The following MPRIP variants were observed in gnomAD, a reference collection of about 807,000 sequenced individuals.
MPRIP encodes myosin phosphatase Rho interacting protein.
A neutral mutation model predicts 234.9 loss-of-function variants in MPRIP; 59 were observed. The observed-to-expected ratio is 0.25, with a 90% CI of 0.20 to 0.31. The LOEUF is 0.31. Among genes scored for constraint, MPRIP ranks in the 10% least tolerant of loss-of-function variants. MPRIP has a pLI of 1.00. For missense variants in MPRIP, 2,436 were observed against 3,071.0 expected, an observed-to-expected ratio of 0.79 and a Z score of 4.89; for synonymous variants, 1,144 against 1,263.9, an observed-to-expected ratio of 0.91 and a Z score of 2.01.
At chr17:17,113,490 G>A (rs2144302623) in intron 3 of MPRIP, among the ~76,000 whole-genome samples, 1 of 152,246 alleles carries the variant, frequency 6.6e-6, no homozygotes, top group African/African-American at 2.4e-5. Flanking sequence ...CCTTTTTATG[G>A]CTGAATTATA....
In MPRIP at chr17:17,185,787, T is replaced by C. The variant is rs968154872; in HGVS notation, c.*893T>C. 1.5e-5 allele frequency: 5 copies of C among 343,820 alleles called. No homozygotes were observed. Among genetic ancestry groups the C allele is most frequent in the African/African-American group, 1.1e-4 (5 of 46,218 alleles). The allele number at this position is 343,820 out of a possible 1,614,324, so 21.3% of individuals were successfully genotyped here. A position where few individuals can be genotyped will look rare whatever the true frequency, so the allele number is the denominator to read the frequency against. Reference sequence around the variant, plus strand: ...ACCTTTTGGAAAAGAAACCGTCACATTGCTTTGGAAAAGGTTGAGAGGAGA... The same window carrying C: ...ACCTTTTGGAAAAGAAACCGTCACACTGCTTTGGAAAAGGTTGAGAGGAGA... On this transcript the variant is annotated 3_prime_UTR_variant, in exon 24 of 24. Coordinates refer to ENST00000651222, the MANE Select transcript of MPRIP (RefSeq NM_001364716.4).
In MPRIP at chr17:17,078,188, CTGTT is replaced by C. The variant is rs1483437803; in HGVS notation, c.267+115_267+118del. The stretch of plus-strand genomic sequence containing the variant: ...AGCAGCCATGTGCTCCTGCTTGTGT[CTGTT>C]TGGGAGTGTGGAATGTTTTGAAGAA... On this transcript the variant is annotated intron_variant, in intron 3 of 23. Transcript: ENST00000651222. This position sits in a 1 kb window ranked among gnomAD's most constrained non-coding sequence, Gnocchi z 4.3. 18 of 1,148,772 alleles carry C rather than the reference CTGTT, an allele frequency of 1.6e-5. No individual in the cohort carries two copies. The highest frequency in any genetic ancestry group is 1.9e-5 in the Non-Finnish European group (15 of 774,766). 71.2% of individuals were successfully genotyped at this position (1,148,772 alleles called of 1,614,324 possible).
At chr17:17,082,389 A>C (rs954836233) in intron 3 of MPRIP, among the ~76,000 whole-genome samples, 1 of 127,430 alleles carries the variant, frequency 7.8e-6, no homozygotes, top group African/African-American at 3.0e-5. Flanking sequence ...TCCGACTCCC[A>C]GGTTCAAACC....
rs372323746 is a variant in MPRIP at position 17,121,625 on chromosome 17, C to T, written c.268-5077C>T. ...ATCGGCAGCAGGGGAAGGGGGAACACTGCACTACTGAGACTTGGAGGGAGC... is the reference window on the plus strand; with the variant it reads ...ATCGGCAGCAGGGGAAGGGGGAACATTGCACTACTGAGACTTGGAGGGAGC... On this transcript the variant is annotated intron_variant, in intron 3 of 23. Transcript: ENST00000651222. Among the ~76,000 whole-genome samples the T allele has an allele frequency of 2.0e-5, 3 of 152,364 alleles. No individual in the cohort carries two copies. The East Asian group carries it at 5.8e-4, about 29-fold the overall frequency.
chr17:17,087,173 G>T (rs907579257), intron 3 of MPRIP, among the ~76,000 whole-genome samples: 57 of 152,148 alleles, frequency 3.7e-4, no homozygotes, highest in African/African-American at 1.3e-3. Context: ...GACAGTTGGG[G>T]GTTCCCACTG....
rs756288112 is a variant in MPRIP at position 17,137,974 on chromosome 17, C to T, written c.795C>T (p.Ser265=). The change falls in exon 7 of 24, where the codon AGC becomes AGT. Residue 265 remains serine, a synonymous_variant. Transcript: ENST00000651222. ...MDCGRKVRVE[S]GYFSLEKTKQ... is the part of the protein sequence containing the mutation. ...GTGGCCGCAAAGTCCGGGTGGAGAG[C>T]GGCTACTTCTCTCTGGAGAAGACCA... is the stretch of plus-strand genomic sequence containing the variant. The T allele has an allele frequency of 8.7e-6, 14 of 1,612,608 alleles. No individual in the cohort carries two copies. Among genetic ancestry groups the T allele is most frequent in the East Asian group, 6.7e-5 (3 of 44,750 alleles).
At chr17:17,168,777 C>T (rs1272948980) in intron 16 of MPRIP, 1 of 443,794 alleles carries the variant, frequency 2.3e-6, no homozygotes, top group Non-Finnish European at 4.6e-6. Flanking sequence ...ACTAGGATGA[C>T]TAGGCCCCTC....
chr17:17,145,242 C>T (rs2045432696), intron 9 of MPRIP, among the ~76,000 whole-genome samples: 1 of 152,208 alleles, frequency 6.6e-6, no homozygotes, highest in Admixed American at 6.5e-5. Flanking sequence ...CCTGACAATT[C>T]TTGCCTGTTC....
At chr17:17,137,556 T>A (rs548690419) in intron 6 of MPRIP, among the ~76,000 whole-genome samples, 6 of 150,254 alleles carry the variant, frequency 4.0e-5, no homozygotes, top group Admixed American at 6.6e-5. Context: ...GGCTGTCAGC[T>A]TCCCCCTTGA....
At chr17:17,177,126 C>A in intron 21 of MPRIP, 124 bp from the exon 22 acceptor site, 1 of 968,478 alleles carries the variant, frequency 1.0e-6, no homozygotes, top group Non-Finnish European at 1.6e-6. Flanking sequence ...CAGAGGTGAA[C>A]AAGCCTCCTC....
At chr17:17,154,251 G>A in intron 12 of MPRIP, 55 bp from the exon 13 acceptor site, 1 of 1,493,740 alleles carries the variant, frequency 6.7e-7, no homozygotes, top group South Asian at 1.1e-5. Flanking sequence ...GGAGATGGAG[G>A]GCAGCAGGCA....
intron 3 of MPRIP, among the ~76,000 whole-genome samples, chr17:17,106,018 AC>A (rs1475250667): frequency 5.4e-4 from 82 of 152,228 alleles, no homozygotes. Context: ...GATTAAGCAC[AC>A]CTGTGTAGCC....
chr17:17,070,443 T>C (rs2089165121), intron 1 of MPRIP, among the ~76,000 whole-genome samples: 1 of 152,214 alleles, frequency 6.6e-6, no homozygotes. Context: ...ATTTATTCAT[T>C]TTTTCCTGTC....
At chr17:17,044,479 T>TA (rs2088282377) in intron 1 of MPRIP, among the ~76,000 whole-genome samples, 1 of 152,256 alleles carries the variant, frequency 6.6e-6, no homozygotes, top group Non-Finnish European at 1.5e-5. Context: ...GTCCCTGGCT[T>TA]ACCTCCTTCA....
chr17:17,165,992 C>T lies in MPRIP; in HGVS notation c.4401C>T (p.Asp1467=). The T allele has an allele frequency of 7.7e-7, 1 of 1,304,330 alleles. No homozygotes were observed. The highest frequency in any genetic ancestry group is 1.0e-6 in the Non-Finnish European group (1 of 988,954). 80.8% of individuals were successfully genotyped at this position (1,304,330 alleles called of 1,614,324 possible). Residue 1467 remains aspartate, a synonymous_variant, in exon 16 of 24, where the codon GAC becomes GAT. Transcript: ENST00000651222. ...AAGGGCATGTTGGAGAGCTTGGGGACTTCCAGGTCAAGAATAGTCAGGCCC... is the reference window on the plus strand; with the variant it reads ...AAGGGCATGTTGGAGAGCTTGGGGATTTCCAGGTCAAGAATAGTCAGGCCC... The part of the protein sequence containing the change: ...RVEGHVGELG[D]FQVKNSQALM...
intron 3 of MPRIP, among the ~76,000 whole-genome samples, chr17:17,111,179 C>T (rs2670550): frequency 2.9e-5 from 4 of 135,894 alleles, no homozygotes; most frequent in Admixed American, 1.5e-4. Flanking sequence ...GAAAAAACCT[C>T]TAGGCACAGT....
In MPRIP at chr17:17,167,399, G is replaced by A. The variant is rs1450166165; in HGVS notation, c.5808G>A (p.Lys1936=). 2.3e-6 allele frequency: 3 copies of A among 1,304,162 alleles called. No individual in the cohort carries two copies. Among genetic ancestry groups the A allele is most frequent in the African/African-American group, 1.5e-5 (1 of 65,878 alleles). The allele number at this position is 1,304,162 out of a possible 1,614,324, so 80.8% of individuals were successfully genotyped here. Residue 1936 remains lysine (K), a synonymous_variant, in exon 16 of 24, where the codon AAG becomes AAA. Coordinates refer to ENST00000651222, the MANE Select transcript of MPRIP (RefSeq NM_001364716.4). The surrounding 1 kb of genome is among the most constrained non-coding windows in gnomAD (Gnocchi z 5.9). ...AGTGTCTGGAGGATGCAGAGAGCAA[G>A]CACAGCATGAGCATGTTCACCCTGC... ...QQQCLEDAES[K]HSMSMFTLRG...
At chr17:17,137,127 A>G (rs1485237725) in intron 6 of MPRIP, among the ~76,000 whole-genome samples, 1 of 152,054 alleles carries the variant, frequency 6.6e-6, no homozygotes, top group Admixed American at 6.6e-5. Context: ...AGGTGTCTGA[A>G]TCTTCCTCTC....
intron 1 of MPRIP, among the ~76,000 whole-genome samples, chr17:17,065,790 C>T (rs2089006279): frequency 6.6e-6 from 1 of 152,200 alleles, no homozygotes; most frequent in South Asian, 2.1e-4. Flanking sequence ...AGTCCACGAA[C>T]ACATTATGTC....
Sources: gnomAD v4.1 joint callset for allele counts (sites outside exome capture counted in the v4.1 genomes callset) on GRCh38, gnomAD v4.1.1 for gene constraint, Gnocchi (gnomAD v3.1) non-coding constraint, MANE v1.5 for transcripts, NCBI Gene and HGNC (gene_info 2026-07-23, HGNC 2026-07-21) for gene names.